SNX29: variants seen among roughly 807,000 people sequenced by gnomAD.
SNX29 encodes sorting nexin 29.
In SNX29, 78 loss-of-function variants were observed where a neutral mutation model predicts 102.1. The observed-to-expected ratio is 0.76, with a 90% confidence interval of 0.64 to 0.92. SNX29 has a LOEUF of 0.92. Ranked by LOEUF, SNX29 falls within the 40% of genes least tolerant of loss-of-function variation. The pLI is 0.00. For synonymous variants in SNX29, 580 were observed against 414.5 expected, an observed-to-expected ratio of 1.40 and a Z score of -4.85; for missense variants, 1,280 against 1,061.7, an observed-to-expected ratio of 1.21 and a Z score of -2.86.
In SNX29 at chr16:12,115,448, T is replaced by C. The variant is rs371853727; in HGVS notation, c.1403-11185T>C. Among the ~76,000 whole-genome samples, 15 of 151,670 alleles carry C rather than the reference T, an allele frequency of 9.9e-5. No homozygotes were observed. The South Asian group carries it at 3.1e-3, about 32-fold the overall frequency. On this transcript the variant is annotated intron_variant, in intron 11 of 20. Coordinates refer to ENST00000566228, the MANE Select transcript of SNX29 (RefSeq NM_032167.5). ...GGGAGTTTTTGCTGCCTCTACTGTATAGCCCAGGCCTTGCCCCTGGGTTGC... is the reference window on the plus strand; with the variant it reads ...GGGAGTTTTTGCTGCCTCTACTGTACAGCCCAGGCCTTGCCCCTGGGTTGC...
chr16:12,109,744 T>TG (rs1156658885), intron 11 of SNX29, among the ~76,000 whole-genome samples: 2 of 151,738 alleles, frequency 1.3e-5, no homozygotes, highest in Non-Finnish European at 2.9e-5. Context: ...CATCTTTTTT[T>TG]TTTTGACACG....
At chr16:12,290,472 C>T (rs947582818) in intron 15 of SNX29, among the ~76,000 whole-genome samples, 1 of 152,186 alleles carries the variant, frequency 6.6e-6, no homozygotes, top group Non-Finnish European at 1.5e-5. Flanking sequence ...CCTGCACGTC[C>T]TTTGTGTCAC....
chr16:12,125,625 T>C (rs1360832434), intron 11 of SNX29, among the ~76,000 whole-genome samples: 17 of 125,780 alleles, frequency 1.4e-4, no homozygotes, highest in Admixed American at 4.0e-4. Context: ...TTTTTTTTTT[T>C]TTTTTTTTTT....
At chr16:12,043,191 C>T in intron 5 of SNX29, 114 bp downstream of exon 5, 3 of 1,354,094 alleles carry the variant, frequency 2.2e-6, no homozygotes, top group Non-Finnish European at 3.0e-6. Flanking sequence ...GGGAAGTGGG[C>T]CTCCCTCTGA....
intron 18 of SNX29, among the ~76,000 whole-genome samples, chr16:12,434,805 G>C (rs1439473045): frequency 6.6e-6 from 1 of 152,120 alleles, no homozygotes; most frequent in Non-Finnish European, 1.5e-5. Context: ...GGAAAGGCTA[G>C]AACGGGGGGA....
chr16:12,348,897 C>G (rs1304573020), intron 15 of SNX29, among the ~76,000 whole-genome samples: 2 of 150,562 alleles, frequency 1.3e-5, no homozygotes, highest in African/African-American at 5.0e-5. Context: ...GGAAGTGGAA[C>G]ATTCCTCGTG....
chr16:12,229,198 T>C (rs534831765), intron 14 of SNX29, among the ~76,000 whole-genome samples: 4 of 152,242 alleles, frequency 2.6e-5, no homozygotes, highest in Non-Finnish European at 5.9e-5. Context: ...GTTTCTCCAC[T>C]AGTCTGTAAG....
At position 12,568,940 on chromosome 16, in the gene SNX29, G is replaced by C. The variant is rs566968337; in HGVS notation, c.*311G>C. 7 of 401,014 alleles carry C rather than the reference G, an allele frequency of 1.7e-5. No individual in the cohort carries two copies. Among genetic ancestry groups the C allele is most frequent in the East Asian group, 8.8e-5 (2 of 22,766 alleles). 24.8% of individuals were successfully genotyped at this position (401,014 alleles called of 1,614,324 possible). ...TTCTGTAGTTCAGGGCTGGCAGGAGGGTGGGCACCAGGTCAGGCTGGGTGC... is the reference window on the plus strand; with the variant it reads ...TTCTGTAGTTCAGGGCTGGCAGGAGCGTGGGCACCAGGTCAGGCTGGGTGC... On this transcript the variant is annotated 3_prime_UTR_variant, in exon 21 of 21. Coordinates refer to ENST00000566228, the MANE Select transcript of SNX29 (RefSeq NM_032167.5).
intron 18 of SNX29, among the ~76,000 whole-genome samples, chr16:12,405,634 T>C (rs904317402): frequency 2.0e-5 from 3 of 152,218 alleles, no homozygotes; most frequent in Non-Finnish European, 4.4e-5. Flanking sequence ...TGGAAGCATT[T>C]TAGAAATCCT....
At chr16:12,197,050 C>T (rs1234696178) in intron 13 of SNX29, among the ~76,000 whole-genome samples, 2 of 152,216 alleles carry the variant, frequency 1.3e-5, no homozygotes, top group East Asian at 1.9e-4. Context: ...TGAGGATCGG[C>T]CCGACGGCTG....
chr16:12,049,804 A>G (rs1357442240), intron 7 of SNX29, among the ~76,000 whole-genome samples: 2 of 151,964 alleles, frequency 1.3e-5, no homozygotes, highest in African/African-American at 4.8e-5. Flanking sequence ...ATATGTAGAG[A>G]CAGGGTCTTG....
At chr16:12,087,624 C>T in intron 11 of SNX29, 1 of 358,798 alleles carries the variant, frequency 2.8e-6, no homozygotes, top group Admixed American at 3.8e-5. Context: ...GATTAGTACT[C>T]ATTAGATGGT....
At chr16:12,249,517 G>A (rs1458466966) in intron 14 of SNX29, among the ~76,000 whole-genome samples, 3 of 152,046 alleles carry the variant, frequency 2.0e-5, no homozygotes, top group Non-Finnish European at 4.4e-5. Flanking sequence ...CCAGGAGGTG[G>A]GGTTCATTCC....
intron 20 of SNX29, among the ~76,000 whole-genome samples, chr16:12,551,324 C>G (rs973334227): frequency 6.6e-6 from 1 of 152,216 alleles, no homozygotes; most frequent in Non-Finnish European, 1.5e-5. Flanking sequence ...CTTGTAACCT[C>G]AGAGATATGT....
At chr16:12,053,760 T>C (rs1013201363) in intron 8 of SNX29, among the ~76,000 whole-genome samples, 2 of 152,134 alleles carry the variant, frequency 1.3e-5, no homozygotes, top group Non-Finnish European at 2.9e-5. Flanking sequence ...TAGTGTTACC[T>C]TATTGATCAT....
intron 8 of SNX29, among the ~76,000 whole-genome samples, chr16:12,055,461 C>T (rs2050481362): frequency 6.6e-6 from 1 of 152,018 alleles, no homozygotes; most frequent in South Asian, 2.1e-4. Flanking sequence ...AAACTCCTGA[C>T]CTCAAATGAT....
chr16:12,547,159 A>C (rs545062200), intron 20 of SNX29, among the ~76,000 whole-genome samples: 3 of 152,220 alleles, frequency 2.0e-5, no homozygotes, highest in Non-Finnish European at 2.9e-5. Context: ...CCTGCTGGGG[A>C]TGTGCTGTTT....
At chr16:12,062,623 C>T (rs1037947899) in intron 9 of SNX29, among the ~76,000 whole-genome samples, 28 of 152,204 alleles carry the variant, frequency 1.8e-4, no homozygotes, top group African/African-American at 5.3e-4. Context: ...CTCAGAACAC[C>T]GCTGGGTCAG....
chr16:12,254,468 C>T lies in SNX29; in HGVS notation c.1679-23465C>T, dbSNP rs534938156. Among the ~76,000 whole-genome samples, 300 of 152,142 alleles carry T rather than the reference C, an allele frequency of 2.0e-3. 2 individuals carry two copies. Among genetic ancestry groups the T allele is most frequent in the African/African-American group, 6.8e-3 (284 of 41,504 alleles). On this transcript the variant is annotated intron_variant, in intron 14 of 20. Transcript: ENST00000566228. ...AGTTTGAGACCAGCCTGGCCATCCCCGTCTCTACTGAAAATACGAAAAATG... is the reference window on the plus strand; with the variant it reads ...AGTTTGAGACCAGCCTGGCCATCCCTGTCTCTACTGAAAATACGAAAAATG...
Sources: allele counts gnomAD v4.1 joint callset (sites outside exome capture counted in the v4.1 genomes callset), GRCh38; gene constraint gnomAD v4.1.1; transcripts MANE v1.5; gene names NCBI Gene and HGNC (gene_info 2026-07-23, HGNC 2026-07-21).